CDH12: variants seen among roughly 807,000 people sequenced by gnomAD.
CDH12 encodes the protein cadherin-12.
Under a neutral mutation model 74.1 loss-of-function variants are expected in CDH12, and 41 were observed. The ratio of observed to expected loss-of-function variants is 0.55; its 90% CI spans 0.43 to 0.72. The LOEUF (loss-of-function observed/expected upper bound fraction) is 0.72, where lower values mean the gene tolerates loss of function less well. Among genes scored for constraint, CDH12 ranks in the 30% least tolerant of loss-of-function variants. The pLI, the probability that CDH12 is intolerant of heterozygous loss-of-function variation, is 0.00. For synonymous variants in CDH12, 399 were observed against 355.0 expected (o/e 1.12, Z -1.39); for missense variants, 945 against 977.2 (o/e 0.97, Z 0.44).
At chr5:22,494,585 C>T (rs1316768141) in intron 2 of CDH12, among the ~76,000 whole-genome samples, 1 of 152,200 alleles carries the variant, frequency 6.6e-6, no homozygotes, top group East Asian at 1.9e-4. Context: ...CAGAAATCTG[C>T]TCCAGGAACT....
At chr5:21,978,707 G>A (rs575142947) in intron 5 of CDH12, among the ~76,000 whole-genome samples, 1 of 151,948 alleles carries the variant, frequency 6.6e-6, no homozygotes, top group Non-Finnish European at 1.5e-5. Context: ...GATCCAATGG[G>A]CACTCTGTAT....
At chr5:22,512,244 A>T (rs1009557196) in intron 1 of CDH12, among the ~76,000 whole-genome samples, 1 of 152,200 alleles carries the variant, frequency 6.6e-6, no homozygotes, top group Non-Finnish European at 1.5e-5. Flanking sequence ...AAGTGATAAG[A>T]GTAGAGATTC....
chr5:22,583,726 A>G (rs1366232255), intron 1 of CDH12, among the ~76,000 whole-genome samples: 1 of 152,198 alleles, frequency 6.6e-6, no homozygotes. Context: ...AATCTGGAAA[A>G]GAGATTTTTA....
intron 2 of CDH12, among the ~76,000 whole-genome samples, chr5:22,465,833 A>G (rs1745706415): frequency 6.6e-6 from 1 of 152,182 alleles, no homozygotes; most frequent in African/African-American, 2.4e-5. Context: ...CACTGTCACC[A>G]TAAGTCAAAC....
chr5:22,167,737 G>T (rs976257324), intron 4 of CDH12, among the ~76,000 whole-genome samples: 2 of 151,896 alleles, frequency 1.3e-5, no homozygotes, highest in South Asian at 2.1e-4. Flanking sequence ...ACATAGATTT[G>T]GCTATTTTCT....
At chr5:22,087,511 C>A (rs916377397) in intron 4 of CDH12, among the ~76,000 whole-genome samples, 1 of 151,990 alleles carries the variant, frequency 6.6e-6, no homozygotes, top group South Asian at 2.1e-4. Flanking sequence ...TGTGGTGGCA[C>A]ACACCTGTAG....
chr5:21,942,627 T>C (rs987112309), intron 6 of CDH12, among the ~76,000 whole-genome samples: 9 of 151,788 alleles, frequency 5.9e-5, no homozygotes, highest in Admixed American at 5.3e-4. Context: ...TGTATATCTG[T>C]GTATGTGTGT....
At chr5:22,445,383 C>A (rs1358334616) in intron 2 of CDH12, among the ~76,000 whole-genome samples, 1 of 152,030 alleles carries the variant, frequency 6.6e-6, no homozygotes, top group Non-Finnish European at 1.5e-5. Context: ...TTATTTTCCC[C>A]TGCCCACCTC....
intron 1 of CDH12, among the ~76,000 whole-genome samples, chr5:22,688,509 A>G (rs1741924902): frequency 6.6e-6 from 1 of 152,148 alleles, no homozygotes; most frequent in African/African-American, 2.4e-5. Context: ...CCATTGGCCA[A>G]CTAATAGTGG....
At chr5:22,538,988 TG>T (rs1737982466) in intron 1 of CDH12, among the ~76,000 whole-genome samples, 4 of 152,314 alleles carry the variant, frequency 2.6e-5, no homozygotes, top group Admixed American at 2.6e-4. Context: ...CTCAAACTCC[TG>T]GGCTCAAGTG....
chr5:22,788,507 A>T (rs1168405158), intron 1 of CDH12, among the ~76,000 whole-genome samples: 3 of 149,692 alleles, frequency 2.0e-5, no homozygotes, highest in African/African-American at 7.3e-5. Context: ...CATTCCAATA[A>T]TTCTTTATAA....
At chr5:22,476,985 C>A (rs1488725863) in intron 2 of CDH12, among the ~76,000 whole-genome samples, 1 of 151,944 alleles carries the variant, frequency 6.6e-6, no homozygotes, top group Non-Finnish European at 1.5e-5. Flanking sequence ...GCCCCAAGGC[C>A]CATCAATAGG....
chr5:21,859,559 AG>A (rs561321833), intron 6 of CDH12, among the ~76,000 whole-genome samples: 149 of 152,014 alleles, frequency 9.8e-4, no homozygotes, highest in African/African-American at 3.5e-3. Flanking sequence ...CAGAAATCAA[AG>A]GGTGGACACG....
At chr5:22,210,789 T>C (rs1751485235) in intron 4 of CDH12, among the ~76,000 whole-genome samples, 1 of 151,744 alleles carries the variant, frequency 6.6e-6, no homozygotes, top group African/African-American at 2.4e-5. Context: ...CAAGTGTGTG[T>C]CCCTGTTTGG....
chr5:22,357,721 A>AGATTTTTCCCAAAAAAATGATC (rs2150470374), intron 3 of CDH12, among the ~76,000 whole-genome samples: 1 of 152,274 alleles, frequency 6.6e-6, no homozygotes, highest in South Asian at 2.1e-4. Flanking sequence ...CAAATTGATC[A>AGATTTTTCCCAAAAAAATGATC]GATTTTTCCC....
At chr5:21,993,457 A>C (rs1240027617) in intron 5 of CDH12, among the ~76,000 whole-genome samples, 1 of 152,160 alleles carries the variant, frequency 6.6e-6, no homozygotes, top group Non-Finnish European at 1.5e-5. Context: ...AGTTTTTTCC[A>C]AGTGTAAGAA....
chr5:22,323,894 A>T (rs2968268), intron 3 of CDH12, among the ~76,000 whole-genome samples: 20,169 of 152,168 alleles, frequency 0.13, 1,471 homozygotes, highest in South Asian at 0.27. Flanking sequence ...TGAATCCTTC[A>T]TTTCTTCATC....
intron 1 of CDH12, among the ~76,000 whole-genome samples, chr5:22,780,029 T>C (rs1417025417): frequency 2.0e-5 from 3 of 152,180 alleles, no homozygotes; most frequent in Non-Finnish European, 4.4e-5. Context: ...TATGACAAAT[T>C]GGTGGCTTTG....
At chr5:22,288,893 A>T (rs957728033) in intron 3 of CDH12, among the ~76,000 whole-genome samples, 7 of 152,182 alleles carry the variant, frequency 4.6e-5, no homozygotes, top group Non-Finnish European at 1.0e-4. Flanking sequence ...AATAGTGTTA[A>T]TACTGAGGAA....
Sources: allele counts gnomAD v4.1 joint callset (sites outside exome capture counted in the v4.1 genomes callset), GRCh38; gene constraint gnomAD v4.1.1; transcripts MANE v1.5; gene names NCBI Gene and HGNC (gene_info 2026-07-23, HGNC 2026-07-21).